Variants in GABRG3 observed in about 807,000 individuals in gnomAD.
GABRG3 encodes the protein gamma-aminobutyric acid type A receptor subunit gamma3.
A neutral mutation model predicts 48.8 loss-of-function variants in GABRG3; 25 were observed. That is an observed-to-expected ratio of 0.51 (90% CI 0.37 to 0.72). The LOEUF is 0.72. Among genes scored for constraint, GABRG3 ranks in the 30% least tolerant of loss-of-function variants. The pLI is 0.00. For missense variants in GABRG3, 394 were observed against 577.9 expected (o/e 0.68, Z 3.26); for synonymous variants, 227 against 217.6 (o/e 1.04, Z -0.38).
chr15:27,235,894 T>C (rs549931983), intron 3 of GABRG3, among the ~76,000 whole-genome samples: 2 of 152,248 alleles, frequency 1.3e-5, no homozygotes, highest in African/African-American at 4.8e-5. Context: ...CTGATGAGTC[T>C]CTAGTGATTA....
chr15:27,506,871 G>T (rs78492350), intron 6 of GABRG3, among the ~76,000 whole-genome samples: 3,981 of 150,320 alleles, frequency 0.026, 170 homozygotes, highest in African/African-American at 0.093. Context: ...TCACTAAAGT[G>T]ACTATTTTTT....
intron 2 of GABRG3, among the ~76,000 whole-genome samples, chr15:26,999,239 A>G (rs984154818): frequency 2.0e-5 from 3 of 152,186 alleles, no homozygotes; most frequent in Non-Finnish European, 4.4e-5. Context: ...TGTATTAGGT[A>G]TTATAAGTAA....
chr15:27,205,459 G>A (rs527716756), intron 3 of GABRG3, among the ~76,000 whole-genome samples: 1 of 152,194 alleles, frequency 6.6e-6, no homozygotes, highest in Admixed American at 6.5e-5. Context: ...TGGTTTGCTA[G>A]TATTTTGTTG....
In GABRG3 at chr15:27,447,779, C is replaced by T. The variant is rs1595760587; in HGVS notation, c.575-32871C>T. ...GAAAAACAAACACTGCATGTTCTCA[C>T]TCATAAGTGGGAGTTGAACAATGAG... On this transcript the variant is annotated intron_variant, in intron 5 of 9. Coordinates refer to ENST00000615808, the MANE Select transcript of GABRG3 (RefSeq NM_033223.5). This position sits in a 1 kb window ranked among gnomAD's most constrained non-coding sequence, Gnocchi z 4.0. Among the ~76,000 whole-genome samples the T allele has an allele frequency of 6.6e-6, 1 of 152,152 alleles. No homozygotes were observed. Among genetic ancestry groups the T allele is most frequent in the Non-Finnish European group, 1.5e-5 (1 of 68,028 alleles).
At chr15:27,306,470 CTA>C (rs1320639086) in intron 3 of GABRG3, among the ~76,000 whole-genome samples, 3 of 137,742 alleles carry the variant, frequency 2.2e-5, no homozygotes, top group Admixed American at 7.5e-5. Context: ...ATAAACATGT[CTA>C]TATATAAACA....
At chr15:27,018,367 A>G (rs1192151577) in intron 2 of GABRG3, among the ~76,000 whole-genome samples, 1 of 152,140 alleles carries the variant, frequency 6.6e-6, no homozygotes, top group Admixed American at 6.5e-5. Context: ...ACTTAACACC[A>G]GTGTTTTTAT....
intron 3 of GABRG3, among the ~76,000 whole-genome samples, chr15:27,092,525 T>C (rs761815352): frequency 7.2e-5 from 11 of 152,182 alleles, no homozygotes; most frequent in Admixed American, 3.3e-4. Flanking sequence ...CAGGTAATGG[T>C]TGTTCCTGTG....
intron 3 of GABRG3, among the ~76,000 whole-genome samples, chr15:27,174,584 GTCTCTCTCTCTCTCTCTC>G (rs150022606): frequency 1.4e-5 from 2 of 139,656 alleles, no homozygotes; most frequent in Non-Finnish European, 3.1e-5. Context: ...TCTCTCTCTC[GTCTCTCTCTCTCTCTCTC>G]TCTCTCTCTC....
chr15:27,080,025 G>A (rs189248405), intron 3 of GABRG3, among the ~76,000 whole-genome samples: 8 of 152,284 alleles, frequency 5.3e-5, no homozygotes, highest in Non-Finnish European at 1.0e-4. Flanking sequence ...AATGCCAGCT[G>A]ATCTGCCAAT....
chr15:27,435,743 G>A (rs559849466), intron 5 of GABRG3, among the ~76,000 whole-genome samples: 2 of 152,328 alleles, frequency 1.3e-5, no homozygotes, highest in South Asian at 4.1e-4. Flanking sequence ...CCCGGAGAGA[G>A]GCTAGCATCC....
At chr15:27,061,664 G>T (rs1182750915) in intron 3 of GABRG3, among the ~76,000 whole-genome samples, 1 of 152,054 alleles carries the variant, frequency 6.6e-6, no homozygotes, top group Non-Finnish European at 1.5e-5. Context: ...GATGGGGCAA[G>T]TCTCCCTATC....
chr15:27,399,005 C>T (rs1247750831), intron 5 of GABRG3, among the ~76,000 whole-genome samples: 3 of 152,214 alleles, frequency 2.0e-5, no homozygotes, highest in Non-Finnish European at 2.9e-5. Context: ...AGCTTCCCAC[C>T]GTCAGAGCAA....
chr15:27,056,158 G>C (rs1368069904), intron 3 of GABRG3, among the ~76,000 whole-genome samples: 4 of 151,788 alleles, frequency 2.6e-5, no homozygotes, highest in Non-Finnish European at 1.5e-5. Flanking sequence ...AGATCAGCCT[G>C]GGCAACATGG....
chr15:27,092,830 C>T (rs1897211966), intron 3 of GABRG3, among the ~76,000 whole-genome samples: 1 of 152,080 alleles, frequency 6.6e-6, no homozygotes, highest in Non-Finnish European at 1.5e-5. Flanking sequence ...CAGCAGCTCT[C>T]TCCCTCCCAG....
chr15:27,267,496 G>A (rs1393035406), intron 3 of GABRG3, among the ~76,000 whole-genome samples: 1 of 151,530 alleles, frequency 6.6e-6, no homozygotes, highest in East Asian at 2.0e-4. Flanking sequence ...CTGGAGTGCA[G>A]TGGTGCAATC....
intron 3 of GABRG3, among the ~76,000 whole-genome samples, chr15:27,081,561 A>G (rs1414230208): frequency 6.9e-6 from 1 of 145,446 alleles, no homozygotes; most frequent in East Asian, 2.0e-4. Context: ...TGTCTTATCA[A>G]TGTGTGGGTG....
intron 3 of GABRG3, among the ~76,000 whole-genome samples, chr15:27,073,204 C>A (rs1896856736): frequency 6.6e-6 from 1 of 152,220 alleles, no homozygotes; most frequent in African/African-American, 2.4e-5. Context: ...GAGGAGTTCA[C>A]ACAGCCTTCA....
Position 27,180,706 on chromosome 15 carries a change from A to G in GABRG3, c.271-146103A>G, listed in dbSNP as rs1887903369. 6.6e-6 allele frequency among the ~76,000 whole-genome samples: 1 copy of G among 152,154 alleles called. No individual in the cohort carries two copies. The highest frequency in any genetic ancestry group is 6.5e-5 in the Admixed American group (1 of 15,278). On this transcript the variant is annotated intron_variant, in intron 3 of 9. Transcript: ENST00000615808. This position sits in a 1 kb window ranked among gnomAD's most constrained non-coding sequence, Gnocchi z 4.2. ...CAGGTCAGTTCTAGCAATAATTGAA[A>G]AACAGAAACCTATTTTCTTTAATTA...
chr15:27,332,057 A>G (rs953008816), intron 5 of GABRG3, among the ~76,000 whole-genome samples: 1 of 152,238 alleles, frequency 6.6e-6, no homozygotes, highest in East Asian at 1.9e-4. Context: ...TATAGGATTC[A>G]CTATTCATAA....
Sources: gnomAD v4.1 joint callset for allele counts (sites outside exome capture counted in the v4.1 genomes callset) on GRCh38, gnomAD v4.1.1 for gene constraint, Gnocchi (gnomAD v3.1) non-coding constraint, MANE v1.5 for transcripts, NCBI Gene and HGNC (gene_info 2026-07-23, HGNC 2026-07-21) for gene names.